The following TRIM23 variants were observed in gnomAD, a reference collection of about 807,000 sequenced individuals.
The protein encoded by TRIM23 is E3 ubiquitin-protein ligase TRIM23.
In TRIM23, 27 loss-of-function variants were observed where a neutral mutation model predicts 71.0. That is an observed-to-expected ratio of 0.38 (90% CI 0.28 to 0.52). The LOEUF (loss-of-function observed/expected upper bound fraction) is 0.52, where lower values mean the gene tolerates loss of function less well. TRIM23 is among the 20% of genes least tolerant of loss of function. The pLI, the probability that TRIM23 is intolerant of heterozygous loss-of-function variation, is 0.84. For synonymous variants in TRIM23, 234 were observed against 238.0 expected (o/e 0.98, Z 0.16); for missense variants, 482 against 692.3 (o/e 0.70, Z 3.41).
chr5:65,609,636 G>A (rs1004804444), intron 5 of TRIM23, among the ~76,000 whole-genome samples, 178 bp from the exon 6 acceptor site: 13 of 152,088 alleles, frequency 8.5e-5, no homozygotes, highest in East Asian at 1.9e-4. Flanking sequence ...AGGCTGAGGC[G>A]GGAGGATTGA....
At chr5:65,620,041 C>T (rs1188760581) in intron 1 of TRIM23, among the ~76,000 whole-genome samples, 6 of 152,070 alleles carry the variant, frequency 3.9e-5, no homozygotes, top group African/African-American at 1.4e-4. Context: ...GCCAAGATCA[C>T]GCCACCGCAC....
chr5:65,597,312 G>T, intron 7 of TRIM23, 132 bp from the exon 8 acceptor site: 1 of 978,982 alleles, frequency 1.0e-6, no homozygotes, highest in Non-Finnish European at 1.5e-6. Flanking sequence ...TCAAAATACT[G>T]AGTCTGATCT....
chr5:65,600,000 T>C (rs962358400), intron 7 of TRIM23, among the ~76,000 whole-genome samples: 15 of 152,106 alleles, frequency 9.9e-5, no homozygotes, highest in African/African-American at 3.4e-4. Flanking sequence ...TCAGGAAACT[T>C]ACAATCATGG....
rs1554124468 is a variant in TRIM23, at chr5:65,594,651, C to CA, written c.1421-7dup. 298 of 1,488,576 alleles carry CA rather than the reference C, an allele frequency of 2.0e-4. 2 individuals are homozygous for CA. Among genetic ancestry groups the CA allele is most frequent in the Admixed American group, 6.9e-4 (29 of 41,828 alleles). 92.2% of individuals were successfully genotyped at this position (1,488,576 alleles called of 1,614,324 possible). ...ATCTACAACAAACACAACAGCTACC[C>CA]AAAAAAAAATAAAAAAAACAAAAAT... On this transcript the variant is annotated splice_polypyrimidine_tract_variant and splice_region_variant and intron_variant, in intron 9 of 10. Transcript: ENST00000231524.
intron 7 of TRIM23, among the ~76,000 whole-genome samples, chr5:65,600,067 G>T (rs1056732229): frequency 1.5e-4 from 23 of 152,240 alleles, no homozygotes; most frequent in Admixed American, 1.3e-3. Context: ...GCAAGAGAGA[G>T]GGTGGGGGAG....
intron 7 of TRIM23, among the ~76,000 whole-genome samples, chr5:65,600,384 C>T (rs1754329199): frequency 6.6e-6 from 1 of 152,082 alleles, no homozygotes; most frequent in Admixed American, 6.5e-5. Context: ...GTCACATGAT[C>T]TTCAACAAGG....
At position 65,591,860 on chromosome 5, in the gene TRIM23, C is replaced by G. The variant is rs35633053; in HGVS notation, c.1634G>C (p.Gly545Ala). 1.8e-3 allele frequency: 2,972 copies of G among 1,613,930 alleles called. 61 individuals are homozygous for G. The African/African-American group carries it at 0.034, about 19-fold the overall frequency. ...LCCGRSWYIQ[G>A]CDARSGMGLY... ...TCCCATACCACTTCGAGCATCACAG[C>G]CCTGAATATACCAGCTACGGCCACA... Residue 545 changes from glycine to alanine, a missense_variant, in exon 11 of 11, where the codon GGC becomes GCC. This residue lies in a region of TRIM23 where 307 missense variants were observed against 495.8 expected (regional missense o/e 0.62). Coordinates refer to ENST00000231524, the MANE Select transcript of TRIM23 (RefSeq NM_001656.4).
chr5:65,590,551 A>G lies in TRIM23; in HGVS notation c.*1218T>C. On this transcript the variant is annotated 3_prime_UTR_variant, in exon 11 of 11. Coordinates refer to ENST00000231524, the MANE Select transcript of TRIM23 (RefSeq NM_001656.4). ...CATCCTAATGTATCAGAACATTAAA[A>G]AAAAAAAAGTCTCAATGTACCTATT... 2 of 1,099,006 alleles carry G rather than the reference A, an allele frequency of 1.8e-6. No individual in the cohort carries two copies. Among genetic ancestry groups the G allele is most frequent in the Non-Finnish European group, 2.2e-6 (2 of 895,294 alleles). The allele number at this position is 1,099,006 out of a possible 1,614,324, so 68.1% of individuals were successfully genotyped here.
At chr5:65,607,780 A>G (rs1294307914) in intron 6 of TRIM23, among the ~76,000 whole-genome samples, 1 of 152,234 alleles carries the variant, frequency 6.6e-6, no homozygotes. Context: ...ATGATTTAGG[A>G]CATGACTCCA....
intron 2 of TRIM23, among the ~76,000 whole-genome samples, chr5:65,617,598 A>G (rs2150641934): frequency 6.6e-6 from 1 of 152,340 alleles, no homozygotes; most frequent in South Asian, 2.1e-4. Flanking sequence ...CTGCAAAAAA[A>G]AGCCACAAAC....
chr5:65,611,428 T>A (rs567566119), intron 4 of TRIM23, among the ~76,000 whole-genome samples, 175 bp downstream of exon 4: 7 of 152,172 alleles, frequency 4.6e-5, no homozygotes, highest in South Asian at 2.1e-4. Context: ...TTTTTTTTTT[T>A]ATAACATTCA....
chr5:65,598,878 T>C, intron 7 of TRIM23, among the ~76,000 whole-genome samples: 1 of 152,134 alleles, frequency 6.6e-6, no homozygotes, highest in East Asian at 1.9e-4. Flanking sequence ...CACGTAATCA[T>C]CTCAATAGTT....
In TRIM23 at chr5:65,591,499, A is replaced by G; in HGVS notation, c.*270T>C. 1 of 1,574,776 alleles carries G rather than the reference A, an allele frequency of 6.4e-7. No homozygotes were observed. The highest frequency in any genetic ancestry group is 8.6e-7 in the Non-Finnish European group (1 of 1,159,318). ...AGTATATTGGTCACATATTATCTGA[A>G]AAACTTAAATAACAAATATACTTTT... is the stretch of plus-strand genomic sequence containing the variant. On this transcript the variant is annotated 3_prime_UTR_variant, in exon 11 of 11. Transcript: ENST00000231524.
At chr5:65,621,586 A>T (rs1179055477) in intron 1 of TRIM23, among the ~76,000 whole-genome samples, 1 of 152,182 alleles carries the variant, frequency 6.6e-6, no homozygotes, top group African/African-American at 2.4e-5. Flanking sequence ...TTGATTAGCA[A>T]ACCAAACACA....
In TRIM23 at chr5:65,591,415, C is replaced by G. The variant is rs552747730; in HGVS notation, c.*354G>C. 1 of 1,582,950 alleles carries G rather than the reference C, an allele frequency of 6.3e-7. No homozygotes were observed. On this transcript the variant is annotated 3_prime_UTR_variant, in exon 11 of 11. Coordinates refer to ENST00000231524, the MANE Select transcript of TRIM23 (RefSeq NM_001656.4). ...CTCATTAGGCACTCAATTGGCTATT[C>G]TTTTTTCACTGAAAGAATAAACCTT...
chr5:65,603,693 TA>T (rs952118985), intron 7 of TRIM23, among the ~76,000 whole-genome samples: 5 of 151,008 alleles, frequency 3.3e-5, no homozygotes, highest in Non-Finnish European at 5.9e-5. Flanking sequence ...ATAATTAAAT[TA>T]AAAAAAAACC....
Position 65,590,124 on chromosome 5 carries a change from A to G in TRIM23, c.*1645T>C, listed in dbSNP as rs1753978328. On this transcript the variant is annotated 3_prime_UTR_variant, in exon 11 of 11. Coordinates refer to ENST00000231524, the MANE Select transcript of TRIM23 (RefSeq NM_001656.4). ...AGCAAAATTAGTGAAAAGGGAAGCAAGTTCACCTTAGTGTTACACTTTTTC... is the reference window on the plus strand; with the variant it reads ...AGCAAAATTAGTGAAAAGGGAAGCAGGTTCACCTTAGTGTTACACTTTTTC... 1 of 464,916 alleles carries G rather than the reference A, an allele frequency of 2.2e-6. No individual in the cohort carries two copies. The highest frequency in any genetic ancestry group is 3.9e-6 in the Non-Finnish European group (1 of 253,758). 28.8% of individuals were successfully genotyped at this position (464,916 alleles called of 1,614,324 possible). A position where few individuals can be genotyped will look rare whatever the true frequency, so the allele number is the denominator to read the frequency against.
At chr5:65,611,450 T>C (rs529986225) in intron 4 of TRIM23, among the ~76,000 whole-genome samples, 153 bp downstream of exon 4, 3 of 151,904 alleles carry the variant, frequency 2.0e-5, no homozygotes, top group East Asian at 1.9e-4. Context: ...AAATTAAATC[T>C]CTCATTTATT....
chr5:65,617,986 T>C (rs1754817412), intron 2 of TRIM23, 107 bp downstream of exon 2: 2 of 1,242,628 alleles, frequency 1.6e-6, no homozygotes, highest in East Asian at 5.4e-5. Context: ...TGAAACTTTC[T>C]GGGAATTTTA....
Sources: allele counts gnomAD v4.1 joint callset (sites outside exome capture counted in the v4.1 genomes callset), GRCh38; gene constraint gnomAD v4.1.1; regional missense constraint gnomAD v4.1.1; transcripts MANE v1.5; gene names NCBI Gene and HGNC (gene_info 2026-07-23, HGNC 2026-07-21).